Variants in SDK1 observed in about 807,000 individuals in gnomAD.
SDK1 encodes protein sidekick-1.
In SDK1, 157 loss-of-function variants were observed where a neutral mutation model predicts 245.5. The ratio of observed to expected loss-of-function variants is 0.64; its 90% CI spans 0.56 to 0.73. The LOEUF is 0.73. SDK1 is among the 30% of genes least tolerant of loss of function. SDK1 has a pLI of 0.00. For synonymous variants in SDK1, 1,647 were observed against 1,278.5 expected (o/e 1.29, Z -6.15); for missense variants, 3,583 against 3,002.3 (o/e 1.19, Z -4.52).
At chr7:4,244,159 G>C (rs1178873760) in intron 43 of SDK1, among the ~76,000 whole-genome samples, 1 of 152,118 alleles carries the variant, frequency 6.6e-6, no homozygotes, top group Non-Finnish European at 1.5e-5. Flanking sequence ...CTTCCCAGCA[G>C]AGTCTCCACC....
At position 3,971,493 on chromosome 7, in the gene SDK1, A is replaced by C; in HGVS notation, c.1742A>C (p.Glu581Ala). The C allele has an allele frequency of 6.2e-7, 1 of 1,613,370 alleles. No homozygotes were observed. Among genetic ancestry groups the C allele is most frequent in the South Asian group, 1.1e-5 (1 of 90,916 alleles). Residue 581 changes from glutamate (E) to alanine (A), a missense_variant, in exon 12 of 45, where the codon GAG (glutamate) becomes GCG (alanine). Physicochemically the swap from Glu to Ala is moderately radical, Grantham distance 107. Transcript: ENST00000404826. ...WNRTSIVHPP[E>A]DHVVIKGTTA... is the part of the protein sequence containing the mutation. ...CGGACGTCCATCGTCCACCCTCCTG[A>C]GGACCACGTGGTGATTAAGGGGACC...
chr7:3,994,452 G>C (rs1013436453), intron 14 of SDK1, among the ~76,000 whole-genome samples: 2 of 151,934 alleles, frequency 1.3e-5, no homozygotes, highest in East Asian at 1.9e-4. Flanking sequence ...GACCAGCCTG[G>C]GCAACATAGC....
At chr7:3,761,615 AAAG>A (rs1780107532) in intron 4 of SDK1, among the ~76,000 whole-genome samples, 1 of 151,844 alleles carries the variant, frequency 6.6e-6, no homozygotes, top group African/African-American at 2.4e-5. Flanking sequence ...GTAGGGAAAA[AAAG>A]AAATAGGAAG....
rs764695946 is a variant in SDK1 at position 4,051,784 on chromosome 7, G to T, written c.2865G>T (p.Gly955=). 4 of 1,613,724 alleles carry T rather than the reference G, an allele frequency of 2.5e-6. No homozygotes were observed. The highest frequency in any genetic ancestry group is 3.4e-6 in the Non-Finnish European group (4 of 1,179,862). The change falls in exon 19 of 45, where the codon GGG becomes GGT. Residue 955 remains glycine, a synonymous_variant. Transcript: ENST00000404826. ...FTSVLCFTTP[G]DGPPSTPQLV... is the part of the protein sequence containing the mutation. The stretch of plus-strand genomic sequence containing the variant: ...CCGTTCTGTGCTTCACCACCCCTGG[G>T]GACGGGCCTCCCAGCACACCTCAGC...
chr7:3,989,392 C>T (rs1784121357), intron 14 of SDK1, among the ~76,000 whole-genome samples: 1 of 152,198 alleles, frequency 6.6e-6, no homozygotes, highest in Non-Finnish European at 1.5e-5. Flanking sequence ...CCGGGTCCCT[C>T]CCACAACTCA....
intron 37 of SDK1, 114 bp downstream of exon 37, chr7:4,208,399 C>A (rs1178309853): frequency 2.2e-6 from 2 of 900,724 alleles, no homozygotes; most frequent in Non-Finnish European, 3.4e-6. Flanking sequence ...GAAGGCAACA[C>A]CTTTTGAGTA....
chr7:4,034,336 G>C (rs961036644), intron 17 of SDK1, among the ~76,000 whole-genome samples: 4 of 152,186 alleles, frequency 2.6e-5, no homozygotes, highest in African/African-American at 4.8e-5. Flanking sequence ...AGAAACCGTA[G>C]ATTAGATGGC....
chr7:3,507,100 G>A (rs1026594829), intron 1 of SDK1, among the ~76,000 whole-genome samples: 4 of 152,152 alleles, frequency 2.6e-5, no homozygotes, highest in East Asian at 3.9e-4. Flanking sequence ...CCCTAATCCC[G>A]GTACCTGGTC....
chr7:4,099,476 G>A (rs182995570), intron 22 of SDK1, among the ~76,000 whole-genome samples: 1 of 128,646 alleles, frequency 7.8e-6, no homozygotes, highest in East Asian at 2.3e-4. Flanking sequence ...GTCTCAGCGG[G>A]CTCCGGGGCT....
intron 1 of SDK1, among the ~76,000 whole-genome samples, chr7:3,451,297 C>T (rs1780506607): frequency 6.6e-6 from 1 of 152,072 alleles, no homozygotes; most frequent in Non-Finnish European, 1.5e-5. Flanking sequence ...CGCTTTCCCA[C>T]TGAGTCTGGA....
At chr7:3,911,433 G>A (rs537270401) in intron 5 of SDK1, among the ~76,000 whole-genome samples, 8 of 152,174 alleles carry the variant, frequency 5.3e-5, no homozygotes, top group South Asian at 4.2e-4. Flanking sequence ...CAGCACATTC[G>A]GTGTCTGGTG....
chr7:3,687,100 C>CACACACACACACACACACACACACACA (rs57916967), intron 4 of SDK1, among the ~76,000 whole-genome samples: 26 of 146,800 alleles, frequency 1.8e-4, no homozygotes, highest in African/African-American at 5.9e-4. Context: ...CACACACACA[C>CACACACACACACACACACACACACACA]CACCCTGTAT....
intron 1 of SDK1, among the ~76,000 whole-genome samples, chr7:3,567,899 A>G (rs946801225): frequency 2.0e-5 from 3 of 152,138 alleles, no homozygotes; most frequent in Non-Finnish European, 4.4e-5. Flanking sequence ...GCAGCCTCGA[A>G]CTCGTGGGCC....
intron 5 of SDK1, among the ~76,000 whole-genome samples, chr7:3,823,953 T>G (rs755387789): frequency 7.1e-4 from 68 of 95,978 alleles, no homozygotes; most frequent in Admixed American, 2.4e-3. Flanking sequence ...TTTTTTTGTG[T>G]TTTTTTTTTT....
intron 11 of SDK1, among the ~76,000 whole-genome samples, chr7:3,971,186 A>G (rs1224614555): frequency 3.9e-5 from 6 of 152,072 alleles, no homozygotes; most frequent in African/African-American, 1.4e-4. Context: ...CCTCATCCAC[A>G]CCTGCATGGG....
intron 1 of SDK1, among the ~76,000 whole-genome samples, chr7:3,497,279 T>G (rs1401471882): frequency 6.6e-6 from 1 of 152,224 alleles, no homozygotes; most frequent in Non-Finnish European, 1.5e-5. Flanking sequence ...GCTAAAACTG[T>G]GAAATAAAAT....
chr7:3,317,225 C>CT (rs1326135008), intron 1 of SDK1, among the ~76,000 whole-genome samples: 16 of 138,194 alleles, frequency 1.2e-4, no homozygotes, highest in Non-Finnish European at 6.2e-5. Flanking sequence ...CATGGGAGTG[C>CT]TTAATAAACA....
chr7:3,860,824 A>G (rs550199889), intron 5 of SDK1, among the ~76,000 whole-genome samples: 1 of 152,308 alleles, frequency 6.6e-6, no homozygotes, highest in South Asian at 2.1e-4. Context: ...TATGCAGCCA[A>G]TCACTAATCA....
At chr7:4,074,916 A>ATTTTTTTTTTTTTT (rs55899344) in intron 20 of SDK1, among the ~76,000 whole-genome samples, 6 of 64,596 alleles carry the variant, frequency 9.3e-5, no homozygotes, top group African/African-American at 7.1e-4. Flanking sequence ...ATATATATAT[A>ATTTTTTTTTTTTTT]TTTTTTTTTT....
Sources: gnomAD v4.1 joint callset for allele counts (sites outside exome capture counted in the v4.1 genomes callset) on GRCh38, gnomAD v4.1.1 for gene constraint, MANE v1.5 for transcripts, NCBI Gene and HGNC (gene_info 2026-07-23, HGNC 2026-07-21) for gene names.